LITAF: variants seen among roughly 807,000 people sequenced by gnomAD.
LITAF encodes the protein lipopolysaccharide-induced tumor necrosis factor-alpha factor.
A neutral mutation model predicts 14.5 loss-of-function variants in LITAF; 9 were observed. The observed-to-expected ratio is 0.62, with a 90% CI of 0.37 to 1.08. The LOEUF (loss-of-function observed/expected upper bound fraction) is 1.08, where lower values mean the gene tolerates loss of function less well. LITAF is among the 50% of genes least tolerant of loss of function. LITAF has a pLI of 0.01. For synonymous variants in LITAF, 98 were observed against 88.2 expected, an observed-to-expected ratio of 1.11 and a Z score of -0.62; for missense variants, 206 against 213.4, an observed-to-expected ratio of 0.97 and a Z score of 0.22.
At chr16:11,630,890 C>T (rs2065114715) in intron 3 of LITAF, among the ~76,000 whole-genome samples, 1 of 152,168 alleles carries the variant, frequency 6.6e-6, no homozygotes, top group Non-Finnish European at 1.5e-5. Flanking sequence ...GGCCACGGTG[C>T]CCGGCCTGCC....
chr16:11,568,295 A>C (rs1002492357), intron 1 of LITAF, among the ~76,000 whole-genome samples: 5 of 151,928 alleles, frequency 3.3e-5, no homozygotes, highest in African/African-American at 4.8e-5. Context: ...CTCGAAAAAA[A>C]AAAAAAAAGA....
At chr16:11,626,761 C>T (rs2065086485) in intron 3 of LITAF, among the ~76,000 whole-genome samples, 1 of 152,234 alleles carries the variant, frequency 6.6e-6, no homozygotes, top group African/African-American at 2.4e-5. Context: ...CGTGAGCCAC[C>T]TTGCCCGGCC....
intron 3 of LITAF, among the ~76,000 whole-genome samples, chr16:11,603,951 G>T (rs1038771657): frequency 1.3e-5 from 2 of 152,156 alleles, no homozygotes; most frequent in Non-Finnish European, 2.9e-5. Context: ...GGAGGCTGAG[G>T]CAGGAGAATG....
At chr16:11,551,107 A>G (rs991109041) in intron 3 of LITAF, among the ~76,000 whole-genome samples, 2 of 152,228 alleles carry the variant, frequency 1.3e-5, no homozygotes, top group Non-Finnish European at 2.9e-5. Context: ...AATGTTTGCC[A>G]AAAATGGAGT....
At position 11,568,949 on chromosome 16, in the gene LITAF, G is replaced by A. The variant is rs992830579; in HGVS notation, c.-5-12214C>T. On this transcript the variant is annotated intron_variant, in intron 1 of 3. Transcript: ENST00000622633. ...CCCGCTTCAGCCTCCCAAAGTGCTG[G>A]AATTACAGGCATGAGCCACTGTGTT... Among the ~76,000 whole-genome samples, 3 of 152,192 alleles carry A rather than the reference G, an allele frequency of 2.0e-5. No homozygotes were observed. In the South Asian group the frequency reaches 6.2e-4, roughly 32 times the overall value.
chr16:11,574,595 T>C (rs1389095662), intron 1 of LITAF, among the ~76,000 whole-genome samples: 5 of 152,084 alleles, frequency 3.3e-5, no homozygotes, highest in South Asian at 2.1e-4. Flanking sequence ...CAGGCCTCCA[T>C]CCTGGGTCCT....
intron 1 of LITAF, among the ~76,000 whole-genome samples, chr16:11,577,484 G>C (rs1000104778): frequency 1.8e-4 from 28 of 151,824 alleles, no homozygotes; most frequent in Middle Eastern, 3.4e-3. Context: ...CGCCCGGCTA[G>C]TTTTTGTACT....
rs1396455010 is a variant in LITAF at position 11,634,229 on chromosome 16, T to C, written c.-20-592A>G. ...GACCTGATCTAACCAACCCCCATCT[T>C]GCCTTTCACCTCCAAACTGCTCTTC... is the stretch of plus-strand genomic sequence containing the variant. On this transcript the variant is annotated intron_variant, in intron 2 of 3. Coordinates refer to the LITAF transcript ENST00000574848. This position sits in a 1 kb window ranked among gnomAD's most constrained non-coding sequence, Gnocchi z 4.1. Among the ~76,000 whole-genome samples, 1 of 152,200 alleles carries C rather than the reference T, an allele frequency of 6.6e-6. No homozygotes were observed. Among genetic ancestry groups the C allele is most frequent in the Non-Finnish European group, 1.5e-5 (1 of 68,044 alleles).
rs201549448 is a variant in LITAF, at chr16:11,616,493, G to GA, written c.85+17039dup. On this transcript the variant is annotated intron_variant, in intron 3 of 3. Transcript: ENST00000574848. ...ACCCTGTCTCAACAAAACAAAACAA[G>GA]AAAAAAAAAAAGAAAAAGAAAGGGG... Among the ~76,000 whole-genome samples the GA allele has an allele frequency of 1.7e-3, 219 of 129,734 alleles. 1 individual carries two copies. Among genetic ancestry groups the GA allele is most frequent in the Middle Eastern group, 3.8e-3 (1 of 266 alleles). 85.1% of individuals were successfully genotyped at this position (129,734 alleles called of 152,430 possible).
rs1173685377 is a variant in LITAF at position 11,605,149 on chromosome 16, C to G, written c.85+28384G>C. On this transcript the variant is annotated intron_variant, in intron 3 of 3. Transcript: ENST00000574848. This position sits in a 1 kb window ranked among gnomAD's most constrained non-coding sequence, Gnocchi z 4.7. ...TGTGTCCTTTCCTCTCTCTCTCTCT[C>G]TCTCCACTGTGCAAACAGGGAGCCC... 1.3e-5 allele frequency among the ~76,000 whole-genome samples: 2 copies of G among 152,218 alleles called. No individual in the cohort carries two copies. Among genetic ancestry groups the G allele is most frequent in the African/African-American group, 4.8e-5 (2 of 41,456 alleles).
chr16:11,557,065 T>G (rs1391216920), intron 1 of LITAF, among the ~76,000 whole-genome samples: 1 of 44,096 alleles, frequency 2.3e-5, no homozygotes, highest in Non-Finnish European at 4.9e-5. Flanking sequence ...TTCTTCGTTG[T>G]TTTTTTTTGT....
chr16:11,630,839 C>T (rs982664650), intron 3 of LITAF, among the ~76,000 whole-genome samples: 3 of 151,960 alleles, frequency 2.0e-5, no homozygotes, highest in African/African-American at 7.3e-5. Context: ...CAAAATGATC[C>T]TCCCGCCTCA....
chr16:11,638,813 T>G (rs1304786923), upstream of LITAF, among the ~76,000 whole-genome samples: 1 of 147,580 alleles, frequency 6.8e-6, no homozygotes, highest in South Asian at 2.2e-4. Flanking sequence ...AGATTTCCAA[T>G]AGGAATCACA....
At chr16:11,640,050 A>C (rs186341832), upstream of LITAF, among the ~76,000 whole-genome samples, 144 of 152,254 alleles carry the variant, frequency 9.5e-4, no homozygotes, top group African/African-American at 3.4e-3. Flanking sequence ...CTGAGATTAC[A>C]CGTGTGAGCC....
chr16:11,626,999 T>C (rs1201501314), intron 3 of LITAF, among the ~76,000 whole-genome samples: 1 of 152,098 alleles, frequency 6.6e-6, no homozygotes, highest in Non-Finnish European at 1.5e-5. Context: ...CGCACCACCA[T>C]GCCTGGCTAA....
chr16:11,574,376 C>T (rs2141805395), intron 1 of LITAF, among the ~76,000 whole-genome samples: 1 of 152,168 alleles, frequency 6.6e-6, no homozygotes, highest in East Asian at 1.9e-4. Context: ...AAAAATGTCT[C>T]CAAAGGCATA....
chr16:11,598,570 C>G (rs545438859), upstream of LITAF: 1 of 152,226 alleles, frequency 6.6e-6, no homozygotes, highest in Non-Finnish European at 1.5e-5. Flanking sequence ...GTTGCTCAAC[C>G]TCCCGAGGGG....
intron 3 of LITAF, among the ~76,000 whole-genome samples, chr16:11,617,178 C>T (rs559743471): frequency 2.0e-5 from 3 of 151,790 alleles, no homozygotes; most frequent in East Asian, 1.9e-4. Context: ...CGAGCTCACA[C>T]GAATACACTT....
intron 1 of LITAF, chr16:11,575,651 C>T (rs1381619454): frequency 1.3e-5 from 2 of 152,286 alleles, no homozygotes; most frequent in South Asian, 2.1e-4. Context: ...AAGAGAACCA[C>T]CCACCGCAGA....
Sources: allele counts gnomAD v4.1 joint callset (sites outside exome capture counted in the v4.1 genomes callset), GRCh38; gene constraint gnomAD v4.1.1; non-coding constraint Gnocchi (gnomAD v3.1); transcripts MANE v1.5; gene names NCBI Gene and HGNC (gene_info 2026-07-23, HGNC 2026-07-21).